KIF13A: variants seen among roughly 807,000 people sequenced by gnomAD.
The protein encoded by KIF13A is kinesin-like protein KIF13A.
A neutral mutation model predicts 212.2 loss-of-function variants in KIF13A; 79 were observed. The ratio of observed to expected loss-of-function variants is 0.37; its 90% CI spans 0.31 to 0.45. KIF13A has a LOEUF of 0.45. KIF13A is among the 20% of genes least tolerant of loss of function. The pLI is 1.00. For synonymous variants in KIF13A, 789 were observed against 808.6 expected, an observed-to-expected ratio of 0.98 and a Z score of 0.41; for missense variants, 1,901 against 2,209.0, an observed-to-expected ratio of 0.86 and a Z score of 2.79.
rs575070997 is a variant in KIF13A at position 17,886,357 on chromosome 6, C to T, written c.159+11811G>A. 6.6e-6 allele frequency among the ~76,000 whole-genome samples: 1 copy of T among 152,204 alleles called. No homozygotes were observed. Among genetic ancestry groups the T allele is most frequent in the East Asian group, 1.9e-4 (1 of 5,164 alleles). On this transcript the variant is annotated intron_variant, in intron 3 of 38. Coordinates refer to ENST00000259711, the MANE Select transcript of KIF13A (RefSeq NM_022113.6). This position sits in a 1 kb window ranked among gnomAD's most constrained non-coding sequence, Gnocchi z 5.6. ...GCCCCAGGTCACCAAAGCTAAAGGA[C>T]CTGAGGCAGTCCAGGGGTTGCAAAC... is the stretch of plus-strand genomic sequence containing the variant.
At position 17,817,225 on chromosome 6, in the gene KIF13A, G is replaced by C. The variant is rs187906244; in HGVS notation, c.1795C>G (p.Gln599Glu). 20 of 1,613,972 alleles carry C rather than the reference G, an allele frequency of 1.2e-5. No homozygotes were observed. The East Asian group carries it at 4.2e-4, about 34-fold the overall frequency. The change falls in exon 17 of 39, where the codon CAA (glutamine) becomes GAA (glutamate). Residue 599 changes from glutamine (Q) to glutamate (E), a missense_variant. By Grantham distance (29) the Gln-to-Glu change is conservative. Coordinates refer to ENST00000259711, the MANE Select transcript of KIF13A (RefSeq NM_022113.6). ...TTCTCCAGGACCTGAACCACATTTT[G>C]AACTGGGTCTAGTGAGCCAAGAGAC... ...MKTLNSNDPV[Q>E]NVVQVLEKQY...
rs893349696 is a variant in KIF13A, at chr6:17,947,521, G to A, written c.146+39533C>T. On this transcript the variant is annotated intron_variant, in intron 2 of 38. Coordinates refer to ENST00000259711, the MANE Select transcript of KIF13A (RefSeq NM_022113.6). This position sits in a 1 kb window ranked among gnomAD's most constrained non-coding sequence, Gnocchi z 4.6. Reference sequence around the variant, plus strand: ...TTGCCTGTTAAATTTCCTGAATTTGGTAATAGTCTTAGAAAATACACCAAG... The same window carrying A: ...TTGCCTGTTAAATTTCCTGAATTTGATAATAGTCTTAGAAAATACACCAAG... Among the ~76,000 whole-genome samples the A allele has an allele frequency of 4.6e-5, 7 of 152,010 alleles. No homozygotes were observed. Among genetic ancestry groups the A allele is most frequent in the African/African-American group, 1.7e-4 (7 of 41,388 alleles).
In KIF13A at chr6:17,838,040, G is replaced by A. The variant is rs1165718103; in HGVS notation, c.831-457C>T. 2.0e-5 allele frequency among the ~76,000 whole-genome samples: 3 copies of A among 151,724 alleles called. No homozygotes were observed. Among genetic ancestry groups the A allele is most frequent in the East Asian group, 3.9e-4 (2 of 5,070 alleles). On this transcript the variant is annotated intron_variant, in intron 9 of 38. Transcript: ENST00000259711. The surrounding 1 kb of genome is among the most constrained non-coding windows in gnomAD (Gnocchi z 4.2). ...TGGTTTAAAAAGTTAAATGCAGCTG[G>A]GAGTGGTGGCTCACACCTGTAATCC...
intron 2 of KIF13A, among the ~76,000 whole-genome samples, chr6:17,949,797 C>T (rs574562849): frequency 1.3e-5 from 2 of 152,030 alleles, no homozygotes; most frequent in East Asian, 1.9e-4. Context: ...AAAACAAGTG[C>T]CAACTCGAGT....
downstream of KIF13A, among the ~76,000 whole-genome samples, chr6:17,761,471 C>T (rs1310545369): frequency 6.6e-6 from 1 of 152,046 alleles, no homozygotes; most frequent in Non-Finnish European, 1.5e-5. Flanking sequence ...GCAACTTTCA[C>T]CTCCCGGGTT....
chr6:17,976,515 C>T (rs561576311), intron 2 of KIF13A, among the ~76,000 whole-genome samples: 106 of 152,322 alleles, frequency 7.0e-4, no homozygotes, highest in African/African-American at 2.3e-3. Context: ...CCACCCAGAA[C>T]TCCAGCTGGC....
Position 17,871,540 on chromosome 6 carries a change from G to A in KIF13A, c.220+1837C>T, listed in dbSNP as rs1770012409. ...TGCACACACACAGTGGGTTGGGGGG[G>A]GAGTCATGAATACTTAAAAAATTAT... On this transcript the variant is annotated intron_variant, in intron 4 of 38. Coordinates refer to ENST00000259711, the MANE Select transcript of KIF13A (RefSeq NM_022113.6). This position sits in a 1 kb window ranked among gnomAD's most constrained non-coding sequence, Gnocchi z 4.4. 6.6e-6 allele frequency among the ~76,000 whole-genome samples: 1 copy of A among 152,062 alleles called. No homozygotes were observed. Among genetic ancestry groups the A allele is most frequent in the African/African-American group, 2.4e-5 (1 of 41,402 alleles).
chr6:17,780,682 A>G, intron 31 of KIF13A, 48 bp downstream of exon 31: 1 of 1,566,014 alleles, frequency 6.4e-7, no homozygotes, highest in East Asian at 2.2e-5. Flanking sequence ...AGAGGGAAAA[A>G]TCTTTTGAGC....
At chr6:17,907,105 ATG>A (rs1287174360) in intron 2 of KIF13A, among the ~76,000 whole-genome samples, 1 of 152,232 alleles carries the variant, frequency 6.6e-6, no homozygotes, top group Non-Finnish European at 1.5e-5. Context: ...AGTTCTAATT[ATG>A]TGCCAGATAG....
chr6:17,855,617 C>A lies in KIF13A; in HGVS notation c.314G>T (p.Gly105Val). Residue 105 changes from glycine (G) to valine (V), a missense_variant and splice_region_variant, in exon 6 of 39, where the codon GGT (glycine) becomes GTT (valine). Coordinates refer to ENST00000259711, the MANE Select transcript of KIF13A (RefSeq NM_022113.6). This position sits in a 1 kb window ranked among gnomAD's most constrained non-coding sequence, Gnocchi z 4.1. ...NACIFAYGQT[G>V]SGKSFSMMGH... ...CATCATGGAAAAGGATTTTCCCGAA[C>A]CTGGAGAACAGCAAGGAAAAAGAAG... The A allele has an allele frequency of 6.3e-7, 1 of 1,598,016 alleles. No homozygotes were observed. The highest frequency in any genetic ancestry group is 1.1e-5 in the South Asian group (1 of 88,118).
chr6:17,949,796 G>C (rs1315102441), intron 2 of KIF13A, among the ~76,000 whole-genome samples: 1 of 151,996 alleles, frequency 6.6e-6, no homozygotes, highest in East Asian at 1.9e-4. Flanking sequence ...AAAAACAAGT[G>C]CCAACTCGAG....
intron 2 of KIF13A, among the ~76,000 whole-genome samples, chr6:17,916,596 T>G (rs113975501): frequency 1.7e-3 from 254 of 152,352 alleles, no homozygotes; most frequent in Non-Finnish European, 3.1e-3. Flanking sequence ...AACAAATCTT[T>G]TTTCCATTAG....
chr6:17,805,095 A>ATTATGAATG (rs1762826910), intron 19 of KIF13A, among the ~76,000 whole-genome samples: 2 of 152,156 alleles, frequency 1.3e-5, no homozygotes, highest in South Asian at 4.1e-4. Context: ...GGGTGCGTGA[A>ATTATGAATG]CACACATTAA....
intron 16 of KIF13A, among the ~76,000 whole-genome samples, chr6:17,820,144 T>G (rs1764307996): frequency 6.6e-6 from 1 of 151,966 alleles, no homozygotes; most frequent in East Asian, 1.9e-4. Flanking sequence ...GCCACGTGAG[T>G]GAGGCTATTT....
chr6:17,780,911 G>A lies in KIF13A; in HGVS notation c.3670-5C>T, dbSNP rs1269663260. 1.2e-6 allele frequency: 2 copies of A among 1,611,784 alleles called. No homozygotes were observed. The highest frequency in any genetic ancestry group is 2.2e-5 in the South Asian group (2 of 90,898). ...CCAAGAGGCTGTGGCTGAAACCTAG[G>A]AGTTGGGGAATGATGAGGAGATGGA... On this transcript the variant is annotated splice_region_variant and splice_polypyrimidine_tract_variant and intron_variant, in intron 30 of 38. Transcript: ENST00000259711.
intron 3 of KIF13A, among the ~76,000 whole-genome samples, chr6:17,885,893 C>T (rs1467114882): frequency 3.9e-5 from 6 of 152,160 alleles, no homozygotes; most frequent in Admixed American, 6.5e-5. Context: ...GAGTGGGGGT[C>T]GGAGTGTCAC....
At chr6:17,803,924 G>T (rs866963494) in intron 20 of KIF13A, among the ~76,000 whole-genome samples, 2 of 152,136 alleles carry the variant, frequency 1.3e-5, no homozygotes, top group African/African-American at 4.8e-5. Context: ...AAGCCGAGGC[G>T]GGCGGATCAC....
chr6:17,956,072 G>A (rs780531943), intron 2 of KIF13A, among the ~76,000 whole-genome samples: 3 of 152,100 alleles, frequency 2.0e-5, no homozygotes, highest in African/African-American at 4.8e-5. Flanking sequence ...GCAAAGCAAC[G>A]GACTTAGGTT....
chr6:17,881,733 C>T (rs552161776), intron 3 of KIF13A: 13 of 332,950 alleles, frequency 3.9e-5, no homozygotes, highest in South Asian at 2.4e-4. Flanking sequence ...ACAGGGCTCA[C>T]GGCTGTAACC....
Sources: gnomAD v4.1 joint callset for allele counts (sites outside exome capture counted in the v4.1 genomes callset) on GRCh38, gnomAD v4.1.1 for gene constraint, Gnocchi (gnomAD v3.1) non-coding constraint, MANE v1.5 for transcripts, NCBI Gene and HGNC (gene_info 2026-07-23, HGNC 2026-07-21) for gene names.